Variants in DOCK7 observed in about 807,000 individuals in gnomAD.
DOCK7 encodes dedicator of cytokinesis protein 7.
In DOCK7, 138 loss-of-function variants were observed where a neutral mutation model predicts 271.0. The ratio of observed to expected loss-of-function variants is 0.51; its 90% CI spans 0.44 to 0.59. The LOEUF is 0.59. Ranked by LOEUF, DOCK7 falls within the 20% of genes least tolerant of loss-of-function variation. The pLI is 0.00. For synonymous variants in DOCK7, 823 were observed against 876.1 expected (o/e 0.94, Z 1.07); for missense variants, 2,066 against 2,592.4 (o/e 0.80, Z 4.41).
chr1:62,664,900 AAC>A (rs1313037187), intron 1 of DOCK7, among the ~76,000 whole-genome samples: 1 of 152,160 alleles, frequency 6.6e-6, no homozygotes, highest in Non-Finnish European at 1.5e-5. Flanking sequence ...TGAGAGGGAG[AAC>A]AGATTCAGGA....
intron 14 of DOCK7, among the ~76,000 whole-genome samples, chr1:62,595,848 G>A (rs1468681097): frequency 6.6e-6 from 1 of 152,070 alleles, no homozygotes; most frequent in Non-Finnish European, 1.5e-5. Context: ...AGGCTTGCTC[G>A]AGCCCAGGAG....
At chr1:62,600,135 T>G (rs1318100625) in intron 14 of DOCK7, among the ~76,000 whole-genome samples, 1 of 151,860 alleles carries the variant, frequency 6.6e-6, no homozygotes, top group South Asian at 2.1e-4. Flanking sequence ...AATTATATCT[T>G]TTACTATGAT....
At chr1:62,497,926 C>T (rs989090297) in intron 37 of DOCK7, among the ~76,000 whole-genome samples, 4 of 151,874 alleles carry the variant, frequency 2.6e-5, no homozygotes, top group African/African-American at 9.7e-5. Flanking sequence ...CACCTTTATC[C>T]CTTACTCTTT....
intron 7 of DOCK7, among the ~76,000 whole-genome samples, chr1:62,642,919 A>G (rs1182006540): frequency 6.6e-6 from 1 of 152,226 alleles, no homozygotes; most frequent in African/African-American, 2.4e-5. Context: ...TCCTCCCATT[A>G]AGAAAAGTCT....
At chr1:62,495,526 T>G in intron 39 of DOCK7, 55 bp downstream of exon 39, 1 of 1,125,334 alleles carries the variant, frequency 8.9e-7, no homozygotes, top group Non-Finnish European at 1.2e-6. Flanking sequence ...TAATGCTTAC[T>G]GTATGTCTTA....
At chr1:62,604,580 CAG>C (rs1418940924) in intron 14 of DOCK7, 2 of 1,536,246 alleles carry the variant, frequency 1.3e-6, no homozygotes, top group Admixed American at 1.7e-5. Flanking sequence ...AATACAGTAA[CAG>C]TAACTACATA....
In DOCK7 at chr1:62,496,428, T is replaced by C. The variant is rs1181015944; in HGVS notation, c.4834A>G (p.Asn1612Asp). 3.1e-6 allele frequency: 5 copies of C among 1,613,612 alleles called. No individual in the cohort carries two copies. The highest frequency in any genetic ancestry group is 4.2e-6 in the Non-Finnish European group (5 of 1,179,660). The change falls in exon 38 of 50, where the codon AAT (asparagine) becomes GAT (aspartate). Residue 1612 changes from asparagine to aspartate, a missense_variant. This residue lies in a region of DOCK7 where 652 missense variants were observed against 922.1 expected (regional missense o/e 0.71). Transcript: ENST00000635253. ...AGAGAACGTCTTAAGAATTCTTCATTAAAATTCTGAGATGTGCCCACCAAG... is the reference window on the plus strand; with the variant it reads ...AGAGAACGTCTTAAGAATTCTTCATCAAAATTCTGAGATGTGCCCACCAAG... ...SSLVGTSQNF[N>D]EEFLRRSLKT...
intron 1 of DOCK7, among the ~76,000 whole-genome samples, chr1:62,684,742 C>G (rs895804613): frequency 1.3e-5 from 2 of 152,146 alleles, no homozygotes; most frequent in Non-Finnish European, 2.9e-5. Context: ...AGGGGACACA[C>G]ATGTACAAAG....
At position 62,654,052 on chromosome 1, in the gene DOCK7, T is replaced by G. The variant is rs753918543; in HGVS notation, c.252A>C (p.Pro84=). Residue 84 remains proline, a synonymous_variant, in exon 3 of 50, where the codon CCA becomes CCC. Coordinates refer to ENST00000635253, the MANE Select transcript of DOCK7 (RefSeq NM_001367561.1). Reference sequence around the variant, plus strand: ...GACTATAAACAACTTCAATATCATCTGGAGGAAATTCAATCAAATCCCGTA... The same window carrying G: ...GACTATAAACAACTTCAATATCATCGGGAGGAAATTCAATCAAATCCCGTA... ...GPLRDLIEFP[P]DDIEVVYSPR... 3 of 1,613,946 alleles carry G rather than the reference T, an allele frequency of 1.9e-6. No homozygotes were observed. In the South Asian group the frequency reaches 3.3e-5, roughly 18 times the overall value.
chr1:62,687,114 G>C (rs1002815220), intron 1 of DOCK7, among the ~76,000 whole-genome samples: 1 of 152,126 alleles, frequency 6.6e-6, no homozygotes, highest in Non-Finnish European at 1.5e-5. Context: ...AAACTAAAAA[G>C]ACTCAGAGCC....
intron 44 of DOCK7, 103 bp downstream of exon 44, chr1:62,477,597 G>T (rs759399734): frequency 3.1e-6 from 4 of 1,283,838 alleles, no homozygotes; most frequent in Non-Finnish European, 3.1e-6. Context: ...AGTTTACTTG[G>T]CAAGATCTGG....
chr1:62,571,263 AAAG>A (rs1233336814), intron 18 of DOCK7, among the ~76,000 whole-genome samples: 1 of 152,358 alleles, frequency 6.6e-6, no homozygotes, highest in African/African-American at 2.4e-5. Context: ...AAACTTCTCA[AAAG>A]AAGACATTCA....
At chr1:62,604,685 T>G in intron 14 of DOCK7, 1 of 1,613,124 alleles carries the variant, frequency 6.2e-7, no homozygotes. Context: ...ATGGTAAATA[T>G]AACAAACCAA....
intron 43 of DOCK7, chr1:62,483,050 C>T (rs1194347074): frequency 1.3e-5 from 2 of 152,108 alleles, no homozygotes; most frequent in East Asian, 1.9e-4. Flanking sequence ...TACTATGTCA[C>T]CCAGGCTAGA....
At chr1:62,650,072 C>G (rs1233337351) in intron 4 of DOCK7, among the ~76,000 whole-genome samples, 1 of 151,940 alleles carries the variant, frequency 6.6e-6, no homozygotes, top group African/African-American at 2.4e-5. Context: ...AGACCTTGTC[C>G]CAAGTAAATA....
intron 2 of DOCK7, among the ~76,000 whole-genome samples, chr1:62,659,544 A>T (rs901191051): frequency 2.6e-5 from 4 of 152,222 alleles, no homozygotes; most frequent in African/African-American, 9.6e-5. Context: ...ACCCTAACAG[A>T]GTAACAACAT....
At chr1:62,473,150 A>G (rs1377357939) in intron 48 of DOCK7, among the ~76,000 whole-genome samples, 3 of 152,224 alleles carry the variant, frequency 2.0e-5, no homozygotes, top group Non-Finnish European at 2.9e-5. Flanking sequence ...GGACACACCC[A>G]TAAATTATTT....
intron 18 of DOCK7, among the ~76,000 whole-genome samples, chr1:62,571,126 C>A (rs923331605): frequency 2.0e-5 from 3 of 151,986 alleles, no homozygotes; most frequent in African/African-American, 4.8e-5. Context: ...ACAACCTACA[C>A]GATGGGAGAG....
At chr1:62,496,155 T>C (rs1646616173) in intron 38 of DOCK7, among the ~76,000 whole-genome samples, 184 bp downstream of exon 38, 2 of 152,204 alleles carry the variant, frequency 1.3e-5, no homozygotes, top group South Asian at 4.1e-4. Flanking sequence ...GAATTAATTA[T>C]TTCCAAAAAG....
Sources: allele counts gnomAD v4.1 joint callset (sites outside exome capture counted in the v4.1 genomes callset), GRCh38; gene constraint gnomAD v4.1.1; regional missense constraint gnomAD v4.1.1; transcripts MANE v1.5; gene names NCBI Gene and HGNC (gene_info 2026-07-23, HGNC 2026-07-21).